The following INPP4B variants were observed in gnomAD, a reference collection of about 807,000 sequenced individuals.
INPP4B encodes the protein inositol polyphosphate-4-phosphatase type II B, also known as inositol polyphosphate 4-phosphatase type II.
A neutral mutation model predicts 122.5 loss-of-function variants in INPP4B; 55 were observed. That is an observed-to-expected ratio of 0.45 (90% confidence interval 0.36 to 0.56). INPP4B has a LOEUF of 0.56. INPP4B is among the 20% of genes least tolerant of loss of function. INPP4B has a pLI of 0.00. For missense variants in INPP4B, 1,000 were observed against 1,097.7 expected (o/e 0.91, Z 1.26); for synonymous variants, 403 against 388.7 (o/e 1.04, Z -0.43).
intron 1 of INPP4B, among the ~76,000 whole-genome samples, chr4:142,841,444 G>C (rs1179089604): frequency 6.6e-6 from 1 of 151,976 alleles, no homozygotes; most frequent in Admixed American, 6.6e-5. Context: ...GATTGCTATT[G>C]ATGGTCAGGG....
At position 142,498,126 on chromosome 4, in the gene INPP4B, C is replaced by T. The variant is rs1487372985; in HGVS notation, c.-190-35400G>A. Reference sequence around the variant, plus strand: ...GTGTGTGTGTATATATATATACACACACACATATATGTATACATACATATG... The same window carrying T: ...GTGTGTGTGTATATATATATACACATACACATATATGTATACATACATATG... On this transcript the variant is annotated intron_variant, in intron 2 of 25. Transcript: ENST00000262992. Among the ~76,000 whole-genome samples the T allele has an allele frequency of 6.7e-3, 1,006 of 149,984 alleles. 13 individuals carry two copies. Among genetic ancestry groups the T allele is most frequent in the African/African-American group, 0.024 (957 of 40,616 alleles).
chr4:142,208,887 C>T lies in INPP4B; in HGVS notation c.967+9G>A, dbSNP rs1843673807. 2 of 1,541,764 alleles carry T rather than the reference C, an allele frequency of 1.3e-6. No individual in the cohort carries two copies. The highest frequency in any genetic ancestry group is 1.8e-6 in the Non-Finnish European group (2 of 1,140,064). ...TCACTTTGAGTAAGTAGAGAAATTGCTTCCACACCTGTTTCCTTGCTAAGT... is the reference window on the plus strand; with the variant it reads ...TCACTTTGAGTAAGTAGAGAAATTGTTTCCACACCTGTTTCCTTGCTAAGT... On this transcript the variant is annotated intron_variant, in intron 13 of 25. Coordinates refer to ENST00000262992, the MANE Select transcript of INPP4B (RefSeq NM_001101669.3).
At chr4:142,635,501 T>A (rs1020164134) in intron 2 of INPP4B, among the ~76,000 whole-genome samples, 10 of 152,170 alleles carry the variant, frequency 6.6e-5, no homozygotes, top group African/African-American at 2.4e-4. Flanking sequence ...ATGTGGTACA[T>A]ATACACCATG....
intron 2 of INPP4B, among the ~76,000 whole-genome samples, chr4:142,532,616 C>T (rs1163115302): frequency 2.0e-5 from 3 of 151,912 alleles, no homozygotes. Flanking sequence ...CACAATAGCC[C>T]GCCAGATTAA....
chr4:142,116,172 G>C (rs991408303), intron 21 of INPP4B, among the ~76,000 whole-genome samples: 1 of 152,138 alleles, frequency 6.6e-6, no homozygotes, highest in African/African-American at 2.4e-5. Flanking sequence ...CAAGTCCTTT[G>C]AGAAATACAA....
intron 2 of INPP4B, among the ~76,000 whole-genome samples, chr4:142,718,831 G>A (rs1764141189): frequency 6.6e-6 from 1 of 152,136 alleles, no homozygotes. Context: ...AACTCAGTAA[G>A]ATTTAAGAAA....
At chr4:142,211,615 T>G (rs1420263978) in intron 12 of INPP4B, among the ~76,000 whole-genome samples, 1 of 152,206 alleles carries the variant, frequency 6.6e-6, no homozygotes, top group Non-Finnish European at 1.5e-5. Flanking sequence ...TAGCTGGTTA[T>G]TTGGTCATGT....
In INPP4B at chr4:142,128,231, T is replaced by TACACATATATATACGTGTGTGCACAC. The variant is rs2152774344; in HGVS notation, c.1721-3497_1721-3472dup. 2.0e-5 allele frequency among the ~76,000 whole-genome samples: 3 copies of TACACATATATATACGTGTGTGCACAC among 151,754 alleles called. No individual in the cohort carries two copies. In the East Asian group the frequency reaches 5.9e-4, roughly 30 times the overall value. ...ATGTGTGTGTGTGTGTGTATGTATA[T>TACACATATATATACGTGTGTGCACAC]ACACATATATATACGTGTGTGCACA... On this transcript the variant is annotated intron_variant, in intron 18 of 25. Transcript: ENST00000262992.
intron 24 of INPP4B, among the ~76,000 whole-genome samples, chr4:142,083,193 G>C (rs1039489884): frequency 7.9e-5 from 12 of 152,078 alleles, no homozygotes; most frequent in Admixed American, 7.2e-4. Flanking sequence ...TTCATTTTAC[G>C]GATGAGGATA....
chr4:142,584,422 C>G (rs917436307), intron 2 of INPP4B, among the ~76,000 whole-genome samples: 1 of 152,128 alleles, frequency 6.6e-6, no homozygotes, highest in Non-Finnish European at 1.5e-5. Context: ...CACCTTCTTT[C>G]AATTAGACAT....
chr4:142,561,796 T>C (rs907276639), intron 2 of INPP4B, among the ~76,000 whole-genome samples: 1 of 152,208 alleles, frequency 6.6e-6, no homozygotes, highest in Admixed American at 6.5e-5. Context: ...CAATTCAATA[T>C]CGAATTCAAT....
chr4:142,516,487 G>A (rs1161148060), intron 2 of INPP4B, among the ~76,000 whole-genome samples: 3 of 152,156 alleles, frequency 2.0e-5, no homozygotes, highest in Non-Finnish European at 4.4e-5. Flanking sequence ...TTGTGGGACA[G>A]AGAGAGTAAG....
At chr4:142,629,147 C>G (rs1747318940) in intron 2 of INPP4B, among the ~76,000 whole-genome samples, 1 of 151,682 alleles carries the variant, frequency 6.6e-6, no homozygotes, top group African/African-American at 2.4e-5. Flanking sequence ...TCTCTCAGCC[C>G]AAGTCTGCTG....
chr4:142,644,994 CAT>C (rs1003386580), intron 2 of INPP4B, among the ~76,000 whole-genome samples: 1 of 149,476 alleles, frequency 6.7e-6, no homozygotes, highest in African/African-American at 2.5e-5. Flanking sequence ...AGAAAAAGTA[CAT>C]GTTAAGATCT....
At chr4:142,744,852 A>T (rs1404737094) in intron 1 of INPP4B, among the ~76,000 whole-genome samples, 1 of 151,816 alleles carries the variant, frequency 6.6e-6, no homozygotes, top group Admixed American at 6.6e-5. Context: ...TAAATATAAG[A>T]TGTTATTCCT....
At chr4:142,806,782 A>AGAAAGAAG (rs771249583) in intron 1 of INPP4B, among the ~76,000 whole-genome samples, 912 of 73,018 alleles carry the variant, frequency 0.012, 23 homozygotes, top group South Asian at 0.02. Context: ...AAAGAAAGAA[A>AGAAAGAAG]GAAGGAAAGA....
chr4:142,422,334 TGTG>T (rs991886162), intron 5 of INPP4B, among the ~76,000 whole-genome samples: 6 of 152,100 alleles, frequency 3.9e-5, no homozygotes, highest in African/African-American at 1.4e-4. Flanking sequence ...CCTGTAGAGT[TGTG>T]GTGAGAAATT....
In INPP4B at chr4:142,729,195, C is replaced by T. The variant is rs79436453; in HGVS notation, c.-253-3294G>A. ...GATGTAACAAGATGGGGAGCTCAGG[C>T]AGTAATGCTTGCTTGTCCACCACTC... On this transcript the variant is annotated intron_variant, in intron 1 of 25. Transcript: ENST00000262992. Among the ~76,000 whole-genome samples, 163 of 152,298 alleles carry T rather than the reference C, an allele frequency of 1.1e-3. 2 individuals are homozygous for T. Among genetic ancestry groups the T allele is most frequent in the African/African-American group, 3.8e-3 (158 of 41,560 alleles).
At chr4:142,138,442 T>C (rs1196184151) in intron 18 of INPP4B, among the ~76,000 whole-genome samples, 1 of 148,864 alleles carries the variant, frequency 6.7e-6, no homozygotes, top group South Asian at 2.2e-4. Context: ...TGCTAAATGA[T>C]GAGTTAATGG....
Sources: allele counts gnomAD v4.1 joint callset (sites outside exome capture counted in the v4.1 genomes callset), GRCh38; gene constraint gnomAD v4.1.1; transcripts MANE v1.5; gene names NCBI Gene and HGNC (gene_info 2026-07-23, HGNC 2026-07-21).